ZBTB38: variants seen among roughly 807,000 people sequenced by gnomAD.
ZBTB38 encodes zinc finger and BTB domain-containing protein 38.
A neutral mutation model predicts 76.8 loss-of-function variants in ZBTB38; 20 were observed. The observed-to-expected ratio is 0.26, with a 90% CI of 0.18 to 0.38. The LOEUF (loss-of-function observed/expected upper bound fraction) is 0.38. ZBTB38 is among the 10% of genes least tolerant of loss of function. The pLI is 1.00. For missense variants in ZBTB38, 1,082 were observed against 1,482.3 expected, an observed-to-expected ratio of 0.73 and a Z score of 4.43; for synonymous variants, 504 against 544.2, an observed-to-expected ratio of 0.93 and a Z score of 1.03.
intron 5 of ZBTB38, among the ~76,000 whole-genome samples, chr3:141,410,654 C>T (rs774793386): frequency 3.9e-5 from 6 of 152,300 alleles, no homozygotes; most frequent in East Asian, 1.9e-4. Flanking sequence ...GCAAAGCTTC[C>T]GGTCCAGTTG....
intron 5 of ZBTB38, among the ~76,000 whole-genome samples, chr3:141,429,214 G>A (rs1025966952): frequency 6.6e-6 from 1 of 152,204 alleles, no homozygotes; most frequent in Non-Finnish European, 1.5e-5. Flanking sequence ...GGGATCGTGA[G>A]TACAGGGGAA....
At chr3:141,332,928 T>C (rs1942894562) in intron 1 of ZBTB38, among the ~76,000 whole-genome samples, 1 of 152,214 alleles carries the variant, frequency 6.6e-6, no homozygotes, top group Non-Finnish European at 1.5e-5. Flanking sequence ...AAAGGAAGGA[T>C]ACAGAACAAG....
intron 1 of ZBTB38, among the ~76,000 whole-genome samples, chr3:141,346,708 T>C (rs565221922): frequency 1.3e-4 from 20 of 151,998 alleles, no homozygotes; most frequent in Admixed American, 4.6e-4. Flanking sequence ...TTGCCAGCCA[T>C]CAGACTTTCT....
At chr3:141,414,420 A>G (rs1408254904) in intron 5 of ZBTB38, among the ~76,000 whole-genome samples, 1 of 152,224 alleles carries the variant, frequency 6.6e-6, no homozygotes, top group Non-Finnish European at 1.5e-5. Flanking sequence ...CAGCCCAGGG[A>G]AAAGTAAAGA....
intron 5 of ZBTB38, among the ~76,000 whole-genome samples, chr3:141,405,133 T>C (rs191011232): frequency 1.7e-3 from 252 of 152,388 alleles, no homozygotes; most frequent in African/African-American, 5.8e-3. Context: ...CAAATGTTTA[T>C]TGAGCTTCTA....
intron 1 of ZBTB38, among the ~76,000 whole-genome samples, chr3:141,327,382 T>C (rs1191888350): frequency 1.3e-5 from 2 of 152,210 alleles, no homozygotes; most frequent in Non-Finnish European, 2.9e-5. Context: ...TACCTTGATA[T>C]GATGTGACAG....
At chr3:141,341,436 T>A (rs1270130709) in intron 1 of ZBTB38, among the ~76,000 whole-genome samples, 1 of 152,196 alleles carries the variant, frequency 6.6e-6, no homozygotes, top group Non-Finnish European at 1.5e-5. Flanking sequence ...CGAACGTCCA[T>A]CAACTGATAA....
rs182036625 is a variant in ZBTB38, at chr3:141,430,750, G to T, written c.1-11639G>T. On this transcript the variant is annotated intron_variant, in intron 5 of 5. Coordinates refer to ENST00000321464, the MANE Select transcript of ZBTB38 (RefSeq NM_001376113.1). ...GTCCATTTTAGGACAACTCATTCTT[G>T]TGATTAGCTGGAGGTTCACTCTTCT... 1.6e-3 allele frequency among the ~76,000 whole-genome samples: 244 copies of T among 152,232 alleles called. 1 individual carries two copies. The highest frequency in any genetic ancestry group is 2.8e-3 in the Non-Finnish European group (187 of 67,990).
intron 1 of ZBTB38, among the ~76,000 whole-genome samples, chr3:141,355,774 T>G (rs1943641447): frequency 6.6e-6 from 1 of 152,126 alleles, no homozygotes; most frequent in Admixed American, 6.5e-5. Flanking sequence ...CCACAGCAAC[T>G]GTCTCCACCA....
At chr3:141,373,646 G>A (rs1178678356) in intron 2 of ZBTB38, among the ~76,000 whole-genome samples, 1 of 152,172 alleles carries the variant, frequency 6.6e-6, no homozygotes, top group East Asian at 1.9e-4. Flanking sequence ...CAAGAACCAA[G>A]TTGGAAAATA....
At position 141,426,097 on chromosome 3, in the gene ZBTB38, G is replaced by A. The variant is rs1025269786; in HGVS notation, c.1-16292G>A. ...ACATTGTTGCATTTGTTTGGAGTAT[G>A]GGCATGTCACTTTAAAGCAGTTCTC... On this transcript the variant is annotated intron_variant, in intron 5 of 5. Coordinates refer to ENST00000321464, the MANE Select transcript of ZBTB38 (RefSeq NM_001376113.1). The A allele has an allele frequency of 8.7e-6, 11 of 1,269,908 alleles. No individual in the cohort carries two copies. In the Admixed American group the frequency reaches 9.2e-5, roughly 11 times the overall value. 78.7% of individuals were successfully genotyped at this position (1,269,908 alleles called of 1,614,324 possible). A position where few individuals can be genotyped will look rare whatever the true frequency, so the allele number is the denominator to read the frequency against.
intron 5 of ZBTB38, among the ~76,000 whole-genome samples, chr3:141,439,111 A>G (rs1205363245): frequency 6.6e-6 from 1 of 152,046 alleles, no homozygotes; most frequent in Non-Finnish European, 1.5e-5. Context: ...TCTCCAGTAT[A>G]TGGCCTGCCA....
intron 1 of ZBTB38, among the ~76,000 whole-genome samples, chr3:141,330,997 C>A (rs1156460602): frequency 6.6e-6 from 1 of 152,178 alleles, no homozygotes; most frequent in Admixed American, 6.5e-5. Flanking sequence ...CTGTTATAAG[C>A]AACAGAAAAC....
chr3:141,341,218 A>G (rs1943189576), intron 1 of ZBTB38, among the ~76,000 whole-genome samples: 1 of 152,246 alleles, frequency 6.6e-6, no homozygotes, highest in South Asian at 2.1e-4. Flanking sequence ...ACTGTAAAAC[A>G]GTACAGCTGC....
intron 4 of ZBTB38, among the ~76,000 whole-genome samples, chr3:141,401,629 A>G (rs2149550405): frequency 6.7e-6 from 1 of 149,520 alleles, no homozygotes; most frequent in South Asian, 2.1e-4. Flanking sequence ...TTTTTTTAAG[A>G]AAATTTAAGA....
intron 1 of ZBTB38, among the ~76,000 whole-genome samples, chr3:141,329,965 TA>T (rs888510563): frequency 1.7e-4 from 26 of 151,872 alleles, no homozygotes; most frequent in African/African-American, 5.5e-4. Flanking sequence ...CTTGCCTCTA[TA>T]AAAAAATTTA....
chr3:141,329,345 C>G (rs1942775779), intron 1 of ZBTB38, among the ~76,000 whole-genome samples: 1 of 152,192 alleles, frequency 6.6e-6, no homozygotes, highest in Non-Finnish European at 1.5e-5. Flanking sequence ...GGAAAAATAA[C>G]TTCGATACAT....
In ZBTB38 at chr3:141,424,649, C is replaced by CGTGT. The variant is rs139888507; in HGVS notation, c.1-17726_1-17723dup. Reference sequence around the variant, plus strand: ...TTAAATGCCTGTATGTGTGTGTGTGCGTGTGTGTGTGTGTGTGGTGGCCAA... The same window carrying CGTGT: ...TTAAATGCCTGTATGTGTGTGTGTGCGTGTGTGTGTGTGTGTGTGTGGTGGCCAA... On this transcript the variant is annotated intron_variant, in intron 5 of 5. Transcript: ENST00000321464. Among the ~76,000 whole-genome samples the CGTGT allele has an allele frequency of 2.3e-4, 35 of 149,902 alleles. No homozygotes were observed. In the East Asian group the frequency reaches 4.3e-3, roughly 18 times the overall value.
At chr3:141,440,274 T>C (rs2079821859) in intron 5 of ZBTB38, among the ~76,000 whole-genome samples, 1 of 152,220 alleles carries the variant, frequency 6.6e-6, no homozygotes, top group African/African-American at 2.4e-5. Context: ...ACATGGTGAA[T>C]ATAGTGTTCT....
Sources: gnomAD v4.1 joint callset for allele counts (sites outside exome capture counted in the v4.1 genomes callset) on GRCh38, gnomAD v4.1.1 for gene constraint, MANE v1.5 for transcripts, NCBI Gene and HGNC (gene_info 2026-07-23, HGNC 2026-07-21) for gene names.